The following IL23R variants were observed in gnomAD, a reference collection of about 807,000 sequenced individuals.
IL23R encodes the protein interleukin 23 receptor, also known as interleukin-23 receptor.
A neutral mutation model predicts 56.9 loss-of-function variants in IL23R; 34 were observed. The ratio of observed to expected loss-of-function variants is 0.60; its 90% CI spans 0.45 to 0.80. The LOEUF (loss-of-function observed/expected upper bound fraction) is 0.80, where lower values mean the gene tolerates loss of function less well. IL23R is among the 30% of genes least tolerant of loss of function. The probability of loss-of-function intolerance (pLI) is 0.00; values close to 1 mark genes in which losing one functional copy is unlikely to be tolerated. For synonymous variants in IL23R, 230 were observed against 249.2 expected, an observed-to-expected ratio of 0.92 and a Z score of 0.73; for missense variants, 635 against 730.0, an observed-to-expected ratio of 0.87 and a Z score of 1.50.
At chr1:67,201,285 G>C (rs577294548) in intron 5 of IL23R, among the ~76,000 whole-genome samples, 156 of 151,948 alleles carry the variant, frequency 1.0e-3, no homozygotes, top group African/African-American at 3.7e-3. Flanking sequence ...GCGGGCACCT[G>C]TAGTCCCAGC....
chr1:67,236,626 T>A, intron 7 of IL23R, 87 bp from the exon 8 acceptor site: 1 of 827,978 alleles, frequency 1.2e-6, no homozygotes, highest in Non-Finnish European at 2.1e-6. Context: ...TTTAGTCATC[T>A]CTAAACAAGG....
chr1:67,255,323 A>C (rs911954024), intron 9 of IL23R, among the ~76,000 whole-genome samples: 56 of 152,196 alleles, frequency 3.7e-4, no homozygotes, highest in African/African-American at 1.3e-3. Context: ...CATTGAAAAG[A>C]AGCAGAGCAA....
At chr1:67,188,956 T>A (rs2102598697) in intron 4 of IL23R, among the ~76,000 whole-genome samples, 1 of 152,262 alleles carries the variant, frequency 6.6e-6, no homozygotes, top group African/African-American at 2.4e-5. Flanking sequence ...GATATTATAA[T>A]ATTATGGCCT....
At chr1:67,226,638 G>A (rs1267609574) in intron 7 of IL23R, among the ~76,000 whole-genome samples, 2 of 152,184 alleles carry the variant, frequency 1.3e-5, no homozygotes, top group East Asian at 3.8e-4. Context: ...AGGCCAAAAG[G>A]CAACTTTTGA....
chr1:67,170,841 C>A (rs1643513820), intron 3 of IL23R, among the ~76,000 whole-genome samples: 1 of 152,164 alleles, frequency 6.6e-6, no homozygotes, highest in African/African-American at 2.4e-5. Flanking sequence ...AAGTAAGAGG[C>A]TTCCTTGCTC....
intron 7 of IL23R, among the ~76,000 whole-genome samples, chr1:67,228,905 C>G (rs1333884009): frequency 6.6e-6 from 1 of 152,156 alleles, no homozygotes; most frequent in African/African-American, 2.4e-5. Flanking sequence ...CTCTCAATTC[C>G]CTTTTGCCTT....
At chr1:67,239,713 G>A (rs980815999) in intron 8 of IL23R, among the ~76,000 whole-genome samples, 1 of 151,950 alleles carries the variant, frequency 6.6e-6, no homozygotes, top group Non-Finnish European at 1.5e-5. Context: ...TTCTCAGCAG[G>A]AAAAATTTCA....
upstream of IL23R, among the ~76,000 whole-genome samples, chr1:67,165,866 T>C (rs1268966358): frequency 2.0e-5 from 3 of 152,190 alleles, no homozygotes; most frequent in Non-Finnish European, 4.4e-5. Flanking sequence ...AGTTATAAGA[T>C]GAGTAAGTTC....
chr1:67,200,696 ACT>A, intron 4 of IL23R, 39 bp from the exon 5 acceptor site: 2 of 1,604,574 alleles, frequency 1.2e-6, no homozygotes, highest in Non-Finnish European at 1.7e-6. Context: ...ATTAATTCAA[ACT>A]AAATACAATT....
intron 4 of IL23R, among the ~76,000 whole-genome samples, chr1:67,187,032 C>T (rs1237600395): frequency 1.3e-5 from 2 of 151,876 alleles, no homozygotes; most frequent in African/African-American, 4.8e-5. Flanking sequence ...ATGAATTATT[C>T]TTCTATTAAT....
chr1:67,191,546 T>C (rs1647745770), intron 4 of IL23R, among the ~76,000 whole-genome samples: 1 of 152,184 alleles, frequency 6.6e-6, no homozygotes, highest in Non-Finnish European at 1.5e-5. Context: ...GCCTTTGCCC[T>C]TTTGAAAAAT....
intron 7 of IL23R, among the ~76,000 whole-genome samples, chr1:67,228,037 T>C (rs1304478349): frequency 5.4e-5 from 4 of 74,534 alleles, no homozygotes; most frequent in Admixed American, 1.5e-4. Context: ...TTTCTTTTCT[T>C]TCTTTCTCTT....
intron 9 of IL23R, among the ~76,000 whole-genome samples, chr1:67,248,096 G>T (rs986583461): frequency 7.2e-5 from 11 of 152,040 alleles, no homozygotes; most frequent in Non-Finnish European, 1.0e-4. Context: ...GTGTCTTAGG[G>T]TTCCTGTTCT....
intron 1 of IL23R, among the ~76,000 whole-genome samples, chr1:67,158,653 C>T (rs550236861): frequency 2.6e-5 from 4 of 152,124 alleles, no homozygotes; most frequent in South Asian, 4.2e-4. Flanking sequence ...TGCTTTGGAC[C>T]TGTTTTAGCT....
At chr1:67,168,018 AG>A in intron 1 of IL23R, 73 bp from the exon 2 acceptor site, 1 of 837,908 alleles carries the variant, frequency 1.2e-6, no homozygotes. Flanking sequence ...AATAATTCTT[AG>A]GGAAAAATGT....
chr1:67,149,768 A>C (rs74080018), intron 1 of IL23R, among the ~76,000 whole-genome samples: 127 of 152,312 alleles, frequency 8.3e-4, no homozygotes, highest in African/African-American at 3.0e-3. Flanking sequence ...TGAATGACCC[A>C]GTAAGCTAGT....
At chr1:67,228,454 T>C (rs1249611161) in intron 7 of IL23R, among the ~76,000 whole-genome samples, 1 of 140,378 alleles carries the variant, frequency 7.1e-6, no homozygotes, top group African/African-American at 2.6e-5. Context: ...CACCTTGGCC[T>C]CCCAAAGTGC....
At chr1:67,222,102 C>CTTTTTTTTTTTTTTTTTTTTTTTTTTT (rs72241835) in intron 7 of IL23R, among the ~76,000 whole-genome samples, 3 of 58,886 alleles carry the variant, frequency 5.1e-5, no homozygotes, top group African/African-American at 1.3e-4. Flanking sequence ...TTCTTTCTTT[C>CTTTTTTTTTTTTTTTTTTTTTTTTTTT]TTTTTTTTTT....
chr1:67,223,001 C>G (rs1650398922), intron 7 of IL23R, among the ~76,000 whole-genome samples: 1 of 152,088 alleles, frequency 6.6e-6, no homozygotes, highest in Admixed American at 6.5e-5. Context: ...TGCCTGTAAC[C>G]CCAGCACTTT....
Sources: allele counts gnomAD v4.1 joint callset (sites outside exome capture counted in the v4.1 genomes callset), GRCh38; gene constraint gnomAD v4.1.1; transcripts MANE v1.5; gene names NCBI Gene and HGNC (gene_info 2026-07-23, HGNC 2026-07-21).